Variants in GAS7 observed in about 807,000 individuals in gnomAD.
GAS7 encodes growth arrest specific 7.
Under a neutral mutation model 71.1 loss-of-function variants are expected in GAS7, and 28 were observed. The observed-to-expected ratio is 0.39, with a 90% CI of 0.29 to 0.54. GAS7 has a LOEUF of 0.54. Among genes scored for constraint, GAS7 ranks in the 20% least tolerant of loss-of-function variants. The pLI, the probability that GAS7 is intolerant of heterozygous loss-of-function variation, is 0.62. For missense variants in GAS7, 436 were observed against 627.8 expected (o/e 0.69, Z 3.27); for synonymous variants, 258 against 245.8 (o/e 1.05, Z -0.46).
intron 2 of GAS7, among the ~76,000 whole-genome samples, chr17:10,000,812 T>C (rs534537794): frequency 6.6e-6 from 1 of 152,322 alleles, no homozygotes; most frequent in African/African-American, 2.4e-5. Flanking sequence ...GTCTGCTCTG[T>C]CTTCTCCGTA....
At position 9,912,975 on chromosome 17, in the gene GAS7, T is replaced by TC; in HGVS notation, c.*4252dup. On this transcript the variant is annotated 3_prime_UTR_variant, in exon 14 of 14. Transcript: ENST00000432992. ...ACTCAAAAGGCGACATCAGTGTGACTCCATTTATATGACATTCTAGAAAAG... is the reference window on the plus strand; with the variant it reads ...ACTCAAAAGGCGACATCAGTGTGACTCCCATTTATATGACATTCTAGAAAAG... 4.3e-6 allele frequency: 1 copy of TC among 232,942 alleles called. No individual in the cohort carries two copies. Among genetic ancestry groups the TC allele is most frequent in the East Asian group, 6.1e-5 (1 of 16,520 alleles). The allele number at this position is 232,942 out of a possible 1,614,324, so 14.4% of individuals were successfully genotyped here.
At chr17:10,195,586 C>G (rs1454621182) in intron 1 of GAS7, among the ~76,000 whole-genome samples, 1 of 152,202 alleles carries the variant, frequency 6.6e-6, no homozygotes, top group Non-Finnish European at 1.5e-5. Context: ...AACAGCTGCC[C>G]TGGCCTTCTG....
At chr17:10,009,409 C>T (rs1239205625) in intron 2 of GAS7, among the ~76,000 whole-genome samples, 3 of 151,212 alleles carry the variant, frequency 2.0e-5, no homozygotes, top group Non-Finnish European at 4.4e-5. Flanking sequence ...GGAATCCACT[C>T]ATTTAAAGAA....
intron 1 of GAS7, among the ~76,000 whole-genome samples, chr17:10,035,003 C>A (rs1225366632): frequency 1.3e-5 from 2 of 152,148 alleles, no homozygotes; most frequent in Non-Finnish European, 2.9e-5. Flanking sequence ...GCACTTCTGG[C>A]TGACTGCTCA....
At chr17:9,975,279 C>T (rs894826042) in intron 3 of GAS7, among the ~76,000 whole-genome samples, 1 of 152,100 alleles carries the variant, frequency 6.6e-6, no homozygotes, top group African/African-American at 2.4e-5. Context: ...TGCTTGAACC[C>T]GGGAGGTGGA....
chr17:10,086,952 G>C (rs572547979), intron 1 of GAS7, among the ~76,000 whole-genome samples: 32 of 152,202 alleles, frequency 2.1e-4, no homozygotes, highest in Non-Finnish European at 3.4e-4. Flanking sequence ...GCTGCAAGGA[G>C]CCTATCAGAT....
At chr17:10,144,015 A>G (rs1225871268) in intron 1 of GAS7, among the ~76,000 whole-genome samples, 2 of 152,210 alleles carry the variant, frequency 1.3e-5, no homozygotes, top group Non-Finnish European at 2.9e-5. Context: ...AGGAAGAGCT[A>G]AGAATACTCA....
At chr17:10,097,139 A>G (rs1259826400) in intron 1 of GAS7, among the ~76,000 whole-genome samples, 1 of 151,868 alleles carries the variant, frequency 6.6e-6, no homozygotes, top group Non-Finnish European at 1.5e-5. Flanking sequence ...GGGGAATCCT[A>G]CTCCTCTGTA....
intron 4 of GAS7, among the ~76,000 whole-genome samples, chr17:9,965,396 C>T (rs2152117488): frequency 6.6e-6 from 1 of 152,308 alleles, no homozygotes; most frequent in East Asian, 1.9e-4. Flanking sequence ...GGCCATCATT[C>T]TCAGCAAACA....
At chr17:10,046,670 A>G (rs947888031) in intron 1 of GAS7, among the ~76,000 whole-genome samples, 2 of 148,996 alleles carry the variant, frequency 1.3e-5, no homozygotes, top group African/African-American at 2.5e-5. Flanking sequence ...TGGGAGTCGG[A>G]GGTTGCAGTG....
At position 10,096,828 on chromosome 17, in the gene GAS7, C is replaced by T. The variant is rs558616673; in HGVS notation, c.184-76931G>A. Among the ~76,000 whole-genome samples the T allele has an allele frequency of 3.9e-5, 6 of 152,384 alleles. No individual in the cohort carries two copies. The South Asian group carries it at 1.0e-3, about 26-fold the overall frequency. ...TTGGATCCTGTAGCCACAGAACCTA[C>T]GGATCCACGAGTGGCGTCCAAAACA... On this transcript the variant is annotated intron_variant, in intron 1 of 13. Transcript: ENST00000432992.
At chr17:9,985,601 G>A (rs1337172195) in intron 2 of GAS7, among the ~76,000 whole-genome samples, 2 of 152,220 alleles carry the variant, frequency 1.3e-5, no homozygotes, top group South Asian at 2.1e-4. Flanking sequence ...TCTAGAGTGG[G>A]TGCTGTAGTG....
In GAS7 at chr17:9,959,835, T is replaced by C. The variant is rs1173061724; in HGVS notation, c.472-580A>G. On this transcript the variant is annotated intron_variant, in intron 4 of 13. Transcript: ENST00000432992. The surrounding 1 kb of genome is among the most constrained non-coding windows in gnomAD (Gnocchi z 5.0). ...ACTTCCAGCTTCCACTCAGTCTTTA[T>C]ATTGCCTTTTGATGTCTTCCACCGC... Among the ~76,000 whole-genome samples, 1 of 151,920 alleles carries C rather than the reference T, an allele frequency of 6.6e-6. No individual in the cohort carries two copies. The highest frequency in any genetic ancestry group is 1.5e-5 in the Non-Finnish European group (1 of 68,022).
At chr17:10,151,854 A>T (rs541614350) in intron 1 of GAS7, among the ~76,000 whole-genome samples, 1 of 152,294 alleles carries the variant, frequency 6.6e-6, no homozygotes, top group East Asian at 1.9e-4. Context: ...ACCTAAATAA[A>T]GTTTTCCAGT....
At chr17:9,961,786 TC>T (rs2069505559) in intron 4 of GAS7, among the ~76,000 whole-genome samples, 1 of 152,170 alleles carries the variant, frequency 6.6e-6, no homozygotes, top group Non-Finnish European at 1.5e-5. Flanking sequence ...AGTAAAACTG[TC>T]CAGGGTCACA....
intron 2 of GAS7, among the ~76,000 whole-genome samples, chr17:9,994,919 T>G (rs1334962795): frequency 6.6e-6 from 1 of 152,230 alleles, no homozygotes; most frequent in African/African-American, 2.4e-5. Context: ...AAGACAAGTT[T>G]CAAGCAATCC....
intron 2 of GAS7, among the ~76,000 whole-genome samples, chr17:10,001,604 C>A (rs963451533): frequency 4.0e-5 from 6 of 151,838 alleles, no homozygotes; most frequent in Non-Finnish European, 7.4e-5. Context: ...ACTAGCCCAA[C>A]TCTCTCTTTT....
Position 9,916,516 on chromosome 17 carries a change from A to G in GAS7, c.*712T>C. 4.2e-6 allele frequency: 1 copy of G among 236,244 alleles called. No homozygotes were observed. Among genetic ancestry groups the G allele is most frequent in the Admixed American group, 5.6e-5 (1 of 17,878 alleles). The allele number at this position is 236,244 out of a possible 1,614,324, so 14.6% of individuals were successfully genotyped here. On this transcript the variant is annotated 3_prime_UTR_variant, in exon 14 of 14. Transcript: ENST00000432992. ...GGGAAGGATGGATTGGCATTTCCAG[A>G]GGAGACTTTACAGATGGCGCCTGAT...
rs752965248 is a variant in GAS7 at position 9,914,107 on chromosome 17, C to T, written c.*3121G>A. On this transcript the variant is annotated 3_prime_UTR_variant, in exon 14 of 14. Coordinates refer to ENST00000432992, the MANE Select transcript of GAS7 (RefSeq NM_201433.2). ...TCCTAACCTTGATTTCAACCAGAAA[C>T]GGGCCCCTGTTCATACGGATAGGGG... 10 of 227,710 alleles carry T rather than the reference C, an allele frequency of 4.4e-5. No homozygotes were observed. Among genetic ancestry groups the T allele is most frequent in the Non-Finnish European group, 5.2e-5 (6 of 114,676 alleles). 14.1% of individuals were successfully genotyped at this position (227,710 alleles called of 1,614,324 possible). A position where few individuals can be genotyped will look rare whatever the true frequency, so the allele number is the denominator to read the frequency against.
Sources: gnomAD v4.1 joint callset for allele counts (sites outside exome capture counted in the v4.1 genomes callset) on GRCh38, gnomAD v4.1.1 for gene constraint, Gnocchi (gnomAD v3.1) non-coding constraint, MANE v1.5 for transcripts, NCBI Gene and HGNC (gene_info 2026-07-23, HGNC 2026-07-21) for gene names.